CPA6: variants seen among roughly 807,000 people sequenced by gnomAD.
The protein encoded by CPA6 is carboxypeptidase B.
A neutral mutation model predicts 63.3 loss-of-function variants in CPA6; 58 were observed. The observed-to-expected ratio is 0.92, with a 90% CI of 0.74 to 1.14. The LOEUF (loss-of-function observed/expected upper bound fraction) is 1.14. Ranked by LOEUF, CPA6 falls within the 50% of genes most tolerant of loss-of-function variation. The pLI is 0.00. For missense variants in CPA6, 565 were observed against 526.6 expected (o/e 1.07, Z -0.71); for synonymous variants, 185 against 179.0 (o/e 1.03, Z -0.27).
Position 67,484,749 on chromosome 8 carries a change from A to AT in CPA6, c.676dup (p.Met226AsnfsTer14), listed in dbSNP as rs2128961373. On this transcript the variant is annotated frameshift_variant, in exon 7 of 11. Transcript: ENST00000297770. ...GATATAGAAATATAGATGATTCAAC[A>AT]TTTTTCTCATGGCTGGGTCACTCTT... The AT allele has an allele frequency of 6.2e-7, 1 of 1,610,422 alleles. No individual in the cohort carries two copies. The highest frequency in any genetic ancestry group is 8.5e-7 in the Non-Finnish European group (1 of 1,176,844).
At chr8:67,544,036 C>A (rs1381680809) in intron 2 of CPA6, among the ~76,000 whole-genome samples, 1 of 152,108 alleles carries the variant, frequency 6.6e-6, no homozygotes, top group African/African-American at 2.4e-5. Flanking sequence ...GATCCTCCTG[C>A]CTAGGACCCC....
chr8:67,714,654 G>A (rs917455899), intron 1 of CPA6, among the ~76,000 whole-genome samples: 3 of 152,136 alleles, frequency 2.0e-5, no homozygotes, highest in Non-Finnish European at 2.9e-5. Flanking sequence ...CAGCCTGGGC[G>A]ACAGAGTAAG....
At chr8:67,584,027 A>G (rs1295506133) in intron 2 of CPA6, among the ~76,000 whole-genome samples, 2 of 152,028 alleles carry the variant, frequency 1.3e-5, no homozygotes, top group Non-Finnish European at 2.9e-5. Context: ...GCATGGTGGC[A>G]TGTGCCTGTA....
At chr8:67,513,699 A>G (rs1286791155) in intron 3 of CPA6, among the ~76,000 whole-genome samples, 1 of 152,138 alleles carries the variant, frequency 6.6e-6, no homozygotes, top group Non-Finnish European at 1.5e-5. Context: ...GTGACACTGG[A>G]GGTCAAGTCC....
At chr8:67,424,434 C>A (rs1042364060) in intron 10 of CPA6, among the ~76,000 whole-genome samples, 2 of 152,174 alleles carry the variant, frequency 1.3e-5, no homozygotes, top group Admixed American at 1.3e-4. Flanking sequence ...CTCTGACTTT[C>A]CCCCGTTGAG....
intron 1 of CPA6, among the ~76,000 whole-genome samples, chr8:67,628,371 A>T (rs1815241244): frequency 6.6e-6 from 1 of 152,224 alleles, no homozygotes; most frequent in African/African-American, 2.4e-5. Flanking sequence ...GTGAAGCTTC[A>T]GATGTTTCCT....
At chr8:67,530,737 G>C (rs1224857194) in intron 2 of CPA6, among the ~76,000 whole-genome samples, 1 of 152,192 alleles carries the variant, frequency 6.6e-6, no homozygotes, top group Non-Finnish European at 1.5e-5. Context: ...AAAGTTGGTA[G>C]TTGGAACTGC....
At chr8:67,600,504 A>G (rs1814467453) in intron 2 of CPA6, among the ~76,000 whole-genome samples, 2 of 152,282 alleles carry the variant, frequency 1.3e-5, no homozygotes, top group South Asian at 4.1e-4. Context: ...TAGAGAGGAG[A>G]TGTTAAGTGT....
intron 6 of CPA6, among the ~76,000 whole-genome samples, chr8:67,496,825 C>T (rs921323825): frequency 1.3e-5 from 2 of 151,906 alleles, no homozygotes; most frequent in Non-Finnish European, 2.9e-5. Context: ...TCCCAAAGTG[C>T]TGGGATTACA....
intron 1 of CPA6, among the ~76,000 whole-genome samples, chr8:67,738,830 C>G (rs1364721973): frequency 6.6e-6 from 1 of 152,142 alleles, no homozygotes; most frequent in African/African-American, 2.4e-5. Context: ...TTTAGCAAAG[C>G]AAATTCTAAT....
chr8:67,607,732 A>G (rs1015979200), intron 2 of CPA6, among the ~76,000 whole-genome samples: 2 of 152,288 alleles, frequency 1.3e-5, no homozygotes, highest in African/African-American at 4.8e-5. Context: ...TTTCGTCACT[A>G]CATCACACTG....
chr8:67,472,378 T>TTATTTTATTTTATTC (rs1392843375), intron 8 of CPA6, among the ~76,000 whole-genome samples: 215 of 87,118 alleles, frequency 2.5e-3, no homozygotes, highest in African/African-American at 0.014. Context: ...ATTTATTTTT[T>TTATTTTATTTTATTC]TATTTTATTT....
At chr8:67,661,580 A>G (rs1468720721) in intron 1 of CPA6, among the ~76,000 whole-genome samples, 1 of 152,196 alleles carries the variant, frequency 6.6e-6, no homozygotes, top group East Asian at 1.9e-4. Context: ...TTTGGATCCC[A>G]TGCAAACTGT....
At chr8:67,563,887 T>A (rs1009381141) in intron 2 of CPA6, among the ~76,000 whole-genome samples, 1 of 152,188 alleles carries the variant, frequency 6.6e-6, no homozygotes, top group African/African-American at 2.4e-5. Flanking sequence ...CTCCCATGAC[T>A]GAAGCAGTCA....
At chr8:67,721,931 A>G (rs1294545538) in intron 1 of CPA6, among the ~76,000 whole-genome samples, 1 of 152,224 alleles carries the variant, frequency 6.6e-6, no homozygotes, top group Non-Finnish European at 1.5e-5. Context: ...CTCTTGTGCC[A>G]GTCACCGAGT....
In CPA6 at chr8:67,676,966, A is replaced by G. The variant is rs566563621; in HGVS notation, c.117-52715T>C. Among the ~76,000 whole-genome samples, 71 of 152,332 alleles carry G rather than the reference A, an allele frequency of 4.7e-4. No individual in the cohort carries two copies. In the South Asian group the frequency reaches 7.7e-3, roughly 16 times the overall value. ...TGTATGTACGTATATGTATATACAC[A>G]TACTCTGTGTTTGCATATATGCCAT... On this transcript the variant is annotated intron_variant, in intron 1 of 10. Coordinates refer to ENST00000297770, the MANE Select transcript of CPA6 (RefSeq NM_020361.5).
chr8:67,626,842 A>AG (rs1407392035), intron 1 of CPA6, among the ~76,000 whole-genome samples: 1 of 150,828 alleles, frequency 6.6e-6, no homozygotes, highest in Non-Finnish European at 1.5e-5. Flanking sequence ...AGCAATCTGT[A>AG]GCTGTTTTAC....
rs552206658 is a variant in CPA6, at chr8:67,540,532, C to T, written c.193-22485G>A. Among the ~76,000 whole-genome samples the T allele has an allele frequency of 9.8e-5, 15 of 152,364 alleles. No individual in the cohort carries two copies. The South Asian group carries it at 3.1e-3, about 32-fold the overall frequency. ...TCTGTCCCTTAGCAGAGCTCAAGCG[C>T]TGTGCTGGGAGATCTGCTTCTCTCT... On this transcript the variant is annotated intron_variant, in intron 2 of 10. Transcript: ENST00000297770.
chr8:67,453,437 T>TTTCCTTGGATAAAA (rs1810600040), intron 8 of CPA6, among the ~76,000 whole-genome samples: 1 of 152,144 alleles, frequency 6.6e-6, no homozygotes, highest in Admixed American at 6.5e-5. Flanking sequence ...GGTCAGGAGT[T>TTTCCTTGGATAAAA]CATTTCTGGA....
Sources: allele counts gnomAD v4.1 joint callset (sites outside exome capture counted in the v4.1 genomes callset), GRCh38; gene constraint gnomAD v4.1.1; transcripts MANE v1.5; gene names NCBI Gene and HGNC (gene_info 2026-07-23, HGNC 2026-07-21).